SHISA6: variants seen among roughly 807,000 people sequenced by gnomAD.
The protein encoded by SHISA6 is shisa family member 6.
Under a neutral mutation model 47.9 loss-of-function variants are expected in SHISA6, and 22 were observed. The ratio of observed to expected loss-of-function variants is 0.46; its 90% CI spans 0.33 to 0.66. The LOEUF (loss-of-function observed/expected upper bound fraction) is 0.66. Ranked by LOEUF, SHISA6 falls within the 30% of genes least tolerant of loss-of-function variation. The pLI is 0.02. For missense variants in SHISA6, 680 were observed against 764.6 expected (o/e 0.89, Z 1.30); for synonymous variants, 388 against 337.8 (o/e 1.15, Z -1.63).
intron 3 of SHISA6, among the ~76,000 whole-genome samples, chr17:11,477,950 G>A (rs1462000500): frequency 3.0e-5 from 4 of 132,810 alleles, no homozygotes; most frequent in Admixed American, 8.0e-5. Context: ...TGGGATGGCT[G>A]GGTCAAATGG....
intron 3 of SHISA6, among the ~76,000 whole-genome samples, chr17:11,476,461 AT>A: frequency 6.6e-6 from 1 of 152,068 alleles, no homozygotes; most frequent in South Asian, 2.1e-4. Context: ...AATCCCACAA[AT>A]TTTGATAAGT....
chr17:11,287,046 T>C (rs1248476151), intron 2 of SHISA6, among the ~76,000 whole-genome samples: 1 of 152,214 alleles, frequency 6.6e-6, no homozygotes, highest in Non-Finnish European at 1.5e-5. Flanking sequence ...TTTAACAATT[T>C]TTATTACTCA....
chr17:11,360,618 C>T (rs1480288890), intron 2 of SHISA6, among the ~76,000 whole-genome samples: 8 of 151,144 alleles, frequency 5.3e-5, no homozygotes, highest in African/African-American at 1.7e-4. Context: ...CATCACACAC[C>T]GGGGCCTGTC....
At chr17:11,362,340 A>G (rs955425393) in intron 2 of SHISA6, among the ~76,000 whole-genome samples, 1 of 152,108 alleles carries the variant, frequency 6.6e-6, no homozygotes, top group East Asian at 1.9e-4. Flanking sequence ...GGAGCTCACT[A>G]TGTTGTCCAA....
chr17:11,454,860 A>G (rs1428949471), intron 3 of SHISA6, among the ~76,000 whole-genome samples: 2 of 152,204 alleles, frequency 1.3e-5, no homozygotes, highest in African/African-American at 4.8e-5. Flanking sequence ...CCTGACACAT[A>G]GCAGGTGTGC....
intron 3 of SHISA6, among the ~76,000 whole-genome samples, chr17:11,406,301 T>G (rs1239428825): frequency 6.6e-6 from 1 of 152,216 alleles, no homozygotes; most frequent in Non-Finnish European, 1.5e-5. Flanking sequence ...ACTAGGGAAT[T>G]AATATCATAC....
chr17:11,422,190 G>A (rs900055795), intron 3 of SHISA6, among the ~76,000 whole-genome samples: 3 of 152,178 alleles, frequency 2.0e-5, no homozygotes, highest in African/African-American at 7.2e-5. Flanking sequence ...AGCAAGCAGT[G>A]GCATTCCCCA....
intron 2 of SHISA6, among the ~76,000 whole-genome samples, chr17:11,316,346 T>TTTTTTTTTGA (rs1910515705): frequency 7.0e-6 from 1 of 142,598 alleles, no homozygotes; most frequent in African/African-American, 2.5e-5. Flanking sequence ...TTTTTTTTTT[T>TTTTTTTTTGA]GTATTCAATG....
At chr17:11,246,328 A>T (rs1292420174) in intron 1 of SHISA6, among the ~76,000 whole-genome samples, 1 of 152,156 alleles carries the variant, frequency 6.6e-6, no homozygotes, top group East Asian at 1.9e-4. Context: ...GTCTCTACGA[A>T]AAACACAAAA....
intron 3 of SHISA6, among the ~76,000 whole-genome samples, chr17:11,449,879 G>C (rs1005745471): frequency 3.7e-4 from 56 of 152,258 alleles, no homozygotes; most frequent in African/African-American, 1.3e-3. Context: ...TTTCTCCTAT[G>C]AATCTCTTCT....
chr17:11,252,143 T>C (rs1188501434), intron 1 of SHISA6, among the ~76,000 whole-genome samples: 2 of 152,170 alleles, frequency 1.3e-5, no homozygotes, highest in Admixed American at 1.3e-4. Flanking sequence ...CGAAAGCCCC[T>C]GTCCCTCTCT....
intron 3 of SHISA6, among the ~76,000 whole-genome samples, chr17:11,532,197 T>C (rs2071740618): frequency 6.6e-6 from 1 of 152,042 alleles, no homozygotes; most frequent in African/African-American, 2.4e-5. Flanking sequence ...TGAACTGCGG[T>C]GTAAGTGGTG....
intron 2 of SHISA6, among the ~76,000 whole-genome samples, chr17:11,340,616 T>C (rs972496583): frequency 2.6e-5 from 4 of 152,116 alleles, no homozygotes; most frequent in African/African-American, 4.8e-5. Context: ...CATGTGCTTG[T>C]ACAGAGGGAT....
intron 2 of SHISA6, among the ~76,000 whole-genome samples, chr17:11,331,962 G>A (rs754552136): frequency 9.9e-5 from 15 of 151,868 alleles, no homozygotes; most frequent in Admixed American, 2.0e-4. Context: ...TCACACTGCC[G>A]GTGGAGCGGA....
In SHISA6 at chr17:11,334,919, T is replaced by G. The variant is rs748254299; in HGVS notation, c.800-44495T>G. Among the ~76,000 whole-genome samples, 62 of 152,178 alleles carry G rather than the reference T, an allele frequency of 4.1e-4. 1 individual carries two copies. Among genetic ancestry groups the G allele is most frequent in the Non-Finnish European group, 4.6e-4 (31 of 68,030 alleles). On this transcript the variant is annotated intron_variant, in intron 2 of 5. Coordinates refer to ENST00000441885, the MANE Select transcript of SHISA6 (RefSeq NM_207386.4). ...CATTCCCATCCCCGTGGTGCATGAT[T>G]TGCCAGGCACTTCTGGCTTGCACCT...
chr17:11,557,542 C>A (rs544769732), intron 5 of SHISA6, among the ~76,000 whole-genome samples: 1 of 152,208 alleles, frequency 6.6e-6, no homozygotes, highest in Non-Finnish European at 1.5e-5. Flanking sequence ...TTAGAATCTG[C>A]ATTTAACAAG....
chr17:11,346,272 C>T (rs1248744678), intron 2 of SHISA6, among the ~76,000 whole-genome samples: 1 of 152,080 alleles, frequency 6.6e-6, no homozygotes, highest in African/African-American at 2.4e-5. Context: ...TAATATGGTA[C>T]ATTACATTAT....
chr17:11,372,444 T>A (rs1397202529), intron 2 of SHISA6, among the ~76,000 whole-genome samples: 1 of 152,194 alleles, frequency 6.6e-6, no homozygotes, highest in Admixed American at 6.5e-5. Context: ...TAAAAAGGTA[T>A]CTTATATTTT....
chr17:11,515,408 G>T (rs1277846571), intron 3 of SHISA6, among the ~76,000 whole-genome samples: 2 of 151,890 alleles, frequency 1.3e-5, no homozygotes, highest in African/African-American at 4.8e-5. Flanking sequence ...TTACTTATTG[G>T]ATCCCCTGAA....
Sources: allele counts gnomAD v4.1 joint callset (sites outside exome capture counted in the v4.1 genomes callset), GRCh38; gene constraint gnomAD v4.1.1; transcripts MANE v1.5; gene names NCBI Gene and HGNC (gene_info 2026-07-23, HGNC 2026-07-21).